The following NRXN3 variants were observed in gnomAD, a reference collection of about 807,000 sequenced individuals.
NRXN3 encodes the protein neurexin III.
NRXN3 carries 32 observed loss-of-function variants against 137.6 expected under a neutral mutation model. That is an observed-to-expected ratio of 0.23 (90% CI 0.18 to 0.31). The LOEUF is 0.31. NRXN3 is among the 10% of genes least tolerant of loss of function. NRXN3 has a pLI of 1.00. For synonymous variants in NRXN3, 798 were observed against 784.5 expected (o/e 1.02, Z -0.29); for missense variants, 1,574 against 2,062.5 (o/e 0.76, Z 4.59).
intron 1 of NRXN3, among the ~76,000 whole-genome samples, chr14:78,235,026 G>GTGTATATATA (rs1555418717): frequency 6.8e-4 from 59 of 87,280 alleles, no homozygotes; most frequent in South Asian, 1.1e-3. Flanking sequence ...ATATATATGT[G>GTGTATATATA]TATATATATA....
chr14:79,485,726 A>G (rs2096649943), intron 16 of NRXN3, among the ~76,000 whole-genome samples: 1 of 152,170 alleles, frequency 6.6e-6, no homozygotes, highest in South Asian at 2.1e-4. Flanking sequence ...AAGGGAGAGG[A>G]TTACCTTGAA....
chr14:79,038,296 A>T (rs1010619519), intron 15 of NRXN3, among the ~76,000 whole-genome samples: 1 of 152,068 alleles, frequency 6.6e-6, no homozygotes, highest in African/African-American at 2.4e-5. Context: ...GATAGAGAAG[A>T]GATAAGCAGT....
chr14:78,252,390 G>A (rs1183971388), intron 2 of NRXN3, among the ~76,000 whole-genome samples: 3 of 152,164 alleles, frequency 2.0e-5, no homozygotes. Flanking sequence ...AAGAACTGTA[G>A]GCAATGTAAA....
At chr14:79,264,522 ATGTGTGTGTGTGTGTGTGTGTG>A in intron 15 of NRXN3, among the ~76,000 whole-genome samples, 1 of 145,298 alleles carries the variant, frequency 6.9e-6, no homozygotes, top group South Asian at 2.2e-4. Context: ...TGTTTACATG[ATGTGTGTGTGTGTGTGTGTGTG>A]TGTGTGTGTG....
intron 15 of NRXN3, among the ~76,000 whole-genome samples, chr14:79,297,309 G>A (rs1399971683): frequency 6.6e-6 from 1 of 152,044 alleles, no homozygotes; most frequent in East Asian, 1.9e-4. Flanking sequence ...AAATAAAAAT[G>A]CAAGACAGCC....
chr14:78,890,972 T>A (rs1393793317), intron 10 of NRXN3, among the ~76,000 whole-genome samples: 1 of 151,932 alleles, frequency 6.6e-6, no homozygotes, highest in Non-Finnish European at 1.5e-5. Flanking sequence ...ATGCTAAAAG[T>A]AAGGCACCAA....
chr14:78,768,690 C>G (rs1248394439), intron 8 of NRXN3, among the ~76,000 whole-genome samples: 1 of 152,172 alleles, frequency 6.6e-6, no homozygotes, highest in Non-Finnish European at 1.5e-5. Context: ...AGGCCCGGCA[C>G]AGTGCTAAGT....
rs146593745 is a variant in NRXN3 at position 78,952,035 on chromosome 14, T to C, written c.2276-5207T>C. 6.0e-4 allele frequency among the ~76,000 whole-genome samples: 91 copies of C among 152,282 alleles called. 1 individual carries two copies. In the East Asian group the frequency reaches 0.015, roughly 25 times the overall value. On this transcript the variant is annotated intron_variant, in intron 10 of 20. Coordinates refer to ENST00000335750, the MANE Select transcript of NRXN3 (RefSeq NM_001330195.2). The stretch of plus-strand genomic sequence containing the variant: ...GCTCCTGGAGGGTGCTCAGGCTGAA[T>C]AGCTGGGTCACTTGTCTTTCTCACA...
chr14:79,125,416 A>G (rs1388268500), intron 15 of NRXN3, among the ~76,000 whole-genome samples: 3 of 152,224 alleles, frequency 2.0e-5, no homozygotes, highest in Non-Finnish European at 2.9e-5. Context: ...AACAACAGGT[A>G]CTCAACAGAT....
intron 18 of NRXN3, among the ~76,000 whole-genome samples, chr14:79,697,039 GGAAATGATACGTTTGGTGACTA>G (rs1339595861): frequency 2.0e-5 from 3 of 151,890 alleles, no homozygotes; most frequent in East Asian, 1.9e-4. Context: ...AAGATTTATA[GGAAATGATACGTTTGGTGACTA>G]GAAATGATAC....
intron 4 of NRXN3, among the ~76,000 whole-genome samples, chr14:78,576,739 A>C (rs554921251): frequency 2.6e-5 from 4 of 152,330 alleles, no homozygotes; most frequent in Admixed American, 2.0e-4. Context: ...TGTCCTACCC[A>C]TAGTTGGAAG....
chr14:78,485,016 C>T (rs1335048340), intron 4 of NRXN3, among the ~76,000 whole-genome samples: 1 of 152,124 alleles, frequency 6.6e-6, no homozygotes, highest in African/African-American at 2.4e-5. Context: ...AATGCATTAA[C>T]TCTTCCCTTG....
chr14:79,363,987 T>C (rs1794679824), intron 15 of NRXN3, among the ~76,000 whole-genome samples: 2 of 152,198 alleles, frequency 1.3e-5, no homozygotes, highest in South Asian at 4.1e-4. Context: ...TAATGGGTGC[T>C]TGGGGTAAAG....
chr14:79,510,342 T>A (rs1445020149), intron 16 of NRXN3, among the ~76,000 whole-genome samples: 1 of 152,124 alleles, frequency 6.6e-6, no homozygotes, highest in African/African-American at 2.4e-5. Flanking sequence ...AGGAATTGGA[T>A]ACAGCTAACA....
chr14:79,223,130 T>C (rs1345050921), intron 15 of NRXN3, among the ~76,000 whole-genome samples: 2 of 152,150 alleles, frequency 1.3e-5, no homozygotes, highest in Non-Finnish European at 2.9e-5. Context: ...ACTTCCTCTT[T>C]CACAATAATT....
rs144623192 is a variant in NRXN3, at chr14:78,447,622, A to G, written c.757+149762A>G. 8.5e-5 allele frequency among the ~76,000 whole-genome samples: 13 copies of G among 152,324 alleles called. No homozygotes were observed. In the East Asian group the frequency reaches 2.5e-3, roughly 29 times the overall value. On this transcript the variant is annotated intron_variant, in intron 4 of 20. Coordinates refer to ENST00000335750, the MANE Select transcript of NRXN3 (RefSeq NM_001330195.2). ...CAAAGGGGAGACCCACTTTACTGTC[A>G]CAGTCCTGAAATCTCAACATTAGCT...
intron 19 of NRXN3, among the ~76,000 whole-genome samples, chr14:79,764,723 G>C (rs1423414418): frequency 6.6e-6 from 1 of 152,118 alleles, no homozygotes; most frequent in African/African-American, 2.4e-5. Context: ...TGACTGGCAG[G>C]CTGATGGCCA....
chr14:78,889,782 C>T (rs1465761252), intron 10 of NRXN3, among the ~76,000 whole-genome samples: 2 of 151,926 alleles, frequency 1.3e-5, no homozygotes, highest in Non-Finnish European at 2.9e-5. Flanking sequence ...AGATAGGTGT[C>T]CCCTAAAAAC....
At chr14:79,383,307 AT>A (rs2094521814) in intron 15 of NRXN3, among the ~76,000 whole-genome samples, 1 of 151,966 alleles carries the variant, frequency 6.6e-6, no homozygotes, top group African/African-American at 2.4e-5. Context: ...TAAGCATCTC[AT>A]TTTTATCTGT....
Sources: gnomAD v4.1 joint callset for allele counts (sites outside exome capture counted in the v4.1 genomes callset) on GRCh38, gnomAD v4.1.1 for gene constraint, MANE v1.5 for transcripts, NCBI Gene and HGNC (gene_info 2026-07-23, HGNC 2026-07-21) for gene names.